The following RBFOX1 variants were observed in gnomAD, a reference collection of about 807,000 sequenced individuals.
The protein encoded by RBFOX1 is RNA binding fox-1 homolog 1.
In RBFOX1, 8 loss-of-function variants were observed where a neutral mutation model predicts 57.7. That is an observed-to-expected ratio of 0.14 (90% CI 0.08 to 0.25). RBFOX1 has a LOEUF of 0.25. Among genes scored for constraint, RBFOX1 ranks in the 10% least tolerant of loss-of-function variants. RBFOX1 has a pLI of 1.00. For synonymous variants in RBFOX1, 326 were observed against 222.4 expected, an observed-to-expected ratio of 1.47 and a Z score of -4.15; for missense variants, 611 against 548.5, an observed-to-expected ratio of 1.11 and a Z score of -1.14.
chr16:6,626,637 G>T (rs2154052547), intron 2 of RBFOX1, among the ~76,000 whole-genome samples: 1 of 152,248 alleles, frequency 6.6e-6, no homozygotes, highest in Non-Finnish European at 1.5e-5. Flanking sequence ...GTGCGCACCT[G>T]TAATCGCAGG....
At chr16:6,402,014 C>G (rs1404750499) in intron 2 of RBFOX1, among the ~76,000 whole-genome samples, 1 of 151,732 alleles carries the variant, frequency 6.6e-6, no homozygotes, top group Non-Finnish European at 1.5e-5. Flanking sequence ...GTTCCTCTGG[C>G]CCCAACCGTG....
chr16:6,766,793 G>A (rs1024849611), intron 3 of RBFOX1, among the ~76,000 whole-genome samples: 2 of 152,010 alleles, frequency 1.3e-5, no homozygotes, highest in South Asian at 2.1e-4. Flanking sequence ...ATGGGCTTCC[G>A]TTAGTGACTT....
At chr16:6,983,278 G>T (rs1041380637) in intron 3 of RBFOX1, among the ~76,000 whole-genome samples, 1 of 152,068 alleles carries the variant, frequency 6.6e-6, no homozygotes, top group Non-Finnish European at 1.5e-5. Flanking sequence ...GCATTAGAAT[G>T]ATGTGCAGTT....
At chr16:7,492,749 C>A (rs372944129) in intron 4 of RBFOX1, among the ~76,000 whole-genome samples, 1 of 152,020 alleles carries the variant, frequency 6.6e-6, no homozygotes, top group African/African-American at 2.4e-5. Context: ...TGTTTAAAAG[C>A]GGTTGGCATC....
intron 2 of RBFOX1, among the ~76,000 whole-genome samples, chr16:6,428,941 G>C (rs945249798): frequency 2.6e-5 from 4 of 152,136 alleles, no homozygotes; most frequent in Non-Finnish European, 5.9e-5. Flanking sequence ...AGATCACAGC[G>C]CATTTGAGAT....
intron 1 of RBFOX1, among the ~76,000 whole-genome samples, chr16:6,024,858 A>C (rs1013952559): frequency 6.6e-6 from 1 of 152,238 alleles, no homozygotes; most frequent in African/African-American, 2.4e-5. Context: ...TATTGAAAGC[A>C]CTTCAAGTGC....
chr16:6,361,628 T>TTAAAAAAAAAAAAAAAA (rs1371587081), intron 2 of RBFOX1, among the ~76,000 whole-genome samples: 10 of 127,940 alleles, frequency 7.8e-5, no homozygotes, highest in East Asian at 6.7e-4. Flanking sequence ...ACTCTGTCTC[T>TTAAAAAAAAAAAAAAAA]AAAAAAAAAA....
At chr16:7,664,707 C>G in intron 12 of RBFOX1, 1 of 693,892 alleles carries the variant, frequency 1.4e-6, no homozygotes, top group East Asian at 2.8e-5. Context: ...CACACCGCCA[C>G]CACCACATCC....
intron 3 of RBFOX1, among the ~76,000 whole-genome samples, chr16:7,005,593 T>G (rs9934254): frequency 0.43 from 65,960 of 152,132 alleles, 17,604 homozygotes; most frequent in South Asian, 0.62. Flanking sequence ...TAGTGATGGC[T>G]TGGTGTTGGT....
chr16:6,996,556 C>G (rs2092265861), intron 3 of RBFOX1, among the ~76,000 whole-genome samples: 1 of 152,070 alleles, frequency 6.6e-6, no homozygotes, highest in Admixed American at 6.6e-5. Flanking sequence ...AAGTGCTTTC[C>G]AAATATTTAA....
intron 3 of RBFOX1, among the ~76,000 whole-genome samples, chr16:6,985,702 C>G (rs1056079008): frequency 6.6e-6 from 1 of 152,030 alleles, no homozygotes; most frequent in African/African-American, 2.4e-5. Flanking sequence ...GGCATGGTGT[C>G]AGGTGCCTAT....
intron 14 of RBFOX1, among the ~76,000 whole-genome samples, chr16:7,678,146 C>T (rs1261133322): frequency 6.6e-6 from 1 of 152,166 alleles, no homozygotes; most frequent in African/African-American, 2.4e-5. Flanking sequence ...TATAAGCAGC[C>T]ATAACAAGTT....
At chr16:6,911,156 C>T (rs373376872) in intron 3 of RBFOX1, among the ~76,000 whole-genome samples, 52 of 150,366 alleles carry the variant, frequency 3.5e-4, no homozygotes, top group African/African-American at 9.6e-4. Context: ...AGCCGATAAT[C>T]GCACCATTGC....
At chr16:7,573,758 C>A (rs542809505) in intron 5 of RBFOX1, among the ~76,000 whole-genome samples, 10 of 152,010 alleles carry the variant, frequency 6.6e-5, no homozygotes, top group African/African-American at 2.2e-4. Context: ...TTGCTTGAAC[C>A]CGGGAGGCAG....
chr16:6,098,756 A>C (rs1464007725), intron 1 of RBFOX1, among the ~76,000 whole-genome samples: 2 of 152,076 alleles, frequency 1.3e-5, no homozygotes, highest in African/African-American at 2.4e-5. Flanking sequence ...AGAATCAATC[A>C]CTGTTTTACT....
intron 13 of RBFOX1, among the ~76,000 whole-genome samples, chr16:7,676,361 A>T (rs747151075): frequency 6.6e-6 from 1 of 152,248 alleles, no homozygotes; most frequent in Non-Finnish European, 1.5e-5. Flanking sequence ...TAAGAAAATA[A>T]GAACTGTTTG....
At chr16:5,436,069 T>C (rs1484918894) in intron 1 of RBFOX1, among the ~76,000 whole-genome samples, 1 of 152,198 alleles carries the variant, frequency 6.6e-6, no homozygotes, top group Non-Finnish European at 1.5e-5. Context: ...CCCGTCTTCA[T>C]ATTTGGCCTC....
chr16:5,691,823 C>G (rs868418466), intron 3 of RBFOX1, among the ~76,000 whole-genome samples: 1 of 152,042 alleles, frequency 6.6e-6, no homozygotes, highest in African/African-American at 2.4e-5. Flanking sequence ...CTTGATTTGT[C>G]TGAGACTGTC....
At chr16:6,193,846 A>G (rs1029513547) in intron 1 of RBFOX1, among the ~76,000 whole-genome samples, 2 of 151,788 alleles carry the variant, frequency 1.3e-5, no homozygotes, top group Non-Finnish European at 2.9e-5. Context: ...CTCCTGGTAA[A>G]CTTGCCGAGT....
Sources: gnomAD v4.1 joint callset for allele counts (sites outside exome capture counted in the v4.1 genomes callset) on GRCh38, gnomAD v4.1.1 for gene constraint, MANE v1.5 for transcripts, NCBI Gene and HGNC (gene_info 2026-07-23, HGNC 2026-07-21) for gene names.